The following PLCG2 variants were observed in gnomAD, a reference collection of about 807,000 sequenced individuals.
PLCG2 encodes the protein 1-phosphatidylinositol 4,5-bisphosphate phosphodiesterase gamma-2.
PLCG2 carries 69 observed loss-of-function variants against 175.6 expected under a neutral mutation model. That is an observed-to-expected ratio of 0.39 (90% CI 0.32 to 0.48). The LOEUF (loss-of-function observed/expected upper bound fraction) is 0.48, where lower values mean the gene tolerates loss of function less well. Among genes scored for constraint, PLCG2 ranks in the 20% least tolerant of loss-of-function variants. The probability of loss-of-function intolerance (pLI) is 0.91; values close to 1 mark genes in which losing one functional copy is unlikely to be tolerated. For missense variants in PLCG2, 1,798 were observed against 1,650.9 expected (o/e 1.09, Z -1.54); for synonymous variants, 827 against 624.0 (o/e 1.33, Z -4.85).
intron 2 of PLCG2, among the ~76,000 whole-genome samples, chr16:81,840,391 T>C (rs1905759013): frequency 6.6e-6 from 1 of 152,232 alleles, no homozygotes; most frequent in Non-Finnish European, 1.5e-5. Context: ...AGTGTGAGGA[T>C]GATTCAAGGG....
rs758705382 is a variant in PLCG2, at chr16:81,785,975, C to G, written c.-15C>G. The G allele has an allele frequency of 1.9e-6, 3 of 1,609,964 alleles. No individual in the cohort carries two copies. The South Asian group carries it at 3.3e-5, about 18-fold the overall frequency. ...ATTTCTCCCGATTCCTTCCTTCTCC[C>G]TGGAGCGGCCGACAATGTCCACCAC... On this transcript the variant is annotated 5_prime_UTR_variant, in exon 2 of 33. Coordinates refer to ENST00000564138, the MANE Select transcript of PLCG2 (RefSeq NM_002661.5).
chr16:81,757,512 C>T (rs903973893), intron 2 of PLCG2, among the ~76,000 whole-genome samples: 13 of 151,432 alleles, frequency 8.6e-5, no homozygotes, highest in African/African-American at 2.9e-4. Context: ...GCAGAAGAGC[C>T]GAGAAAGCGC....
At chr16:81,942,780 T>TCGAAC (rs1230099986) in intron 30 of PLCG2, among the ~76,000 whole-genome samples, 2 of 152,296 alleles carry the variant, frequency 1.3e-5, no homozygotes, top group Middle Eastern at 3.4e-3. Flanking sequence ...CTAATTAATT[T>TCGAAC]CGAACCCCGT....
At chr16:81,875,763 A>G (rs1369366850) in intron 7 of PLCG2, among the ~76,000 whole-genome samples, 3 of 152,230 alleles carry the variant, frequency 2.0e-5, no homozygotes, top group Admixed American at 2.0e-4. Flanking sequence ...CTTGCAAAAA[A>G]TCAAAAAGAA....
At chr16:81,867,189 G>A (rs975372125) in intron 5 of PLCG2, among the ~76,000 whole-genome samples, 2 of 152,234 alleles carry the variant, frequency 1.3e-5, no homozygotes, top group African/African-American at 2.4e-5. Context: ...GGGCAGTGAC[G>A]CGCTACTTCC....
Position 81,759,863 on chromosome 16 carries a change from A to G in PLCG2, c.-48+3897A>G, listed in dbSNP as rs568910473. On this transcript the variant is annotated intron_variant, in intron 2 of 5. Coordinates refer to the PLCG2 transcript ENST00000565054. ...CAATGTAGGCCGGGCGTGGTGGCTC[A>G]CGCCTGTAATCCCAGCACTTTGGGA... Among the ~76,000 whole-genome samples the G allele has an allele frequency of 8.5e-5, 13 of 152,332 alleles. No individual in the cohort carries two copies. In the South Asian group the frequency reaches 2.3e-3, roughly 27 times the overall value.
intron 9 of PLCG2, among the ~76,000 whole-genome samples, chr16:81,886,522 T>G (rs768837720): frequency 1.3e-5 from 2 of 152,220 alleles, no homozygotes; most frequent in African/African-American, 4.8e-5. Context: ...AAGGAAATAA[T>G]GGCAGCATTT....
At chr16:81,801,395 G>C (rs916304829) in intron 2 of PLCG2, among the ~76,000 whole-genome samples, 5 of 152,144 alleles carry the variant, frequency 3.3e-5, no homozygotes, top group African/African-American at 1.2e-4. Context: ...GACACTGCGT[G>C]GTGTGTATCC....
upstream of PLCG2, among the ~76,000 whole-genome samples, chr16:81,777,437 T>TA (rs750704164): frequency 0.042 from 4,438 of 105,616 alleles, 132 homozygotes; most frequent in African/African-American, 0.085. Context: ...GCTGAAGTTC[T>TA]AAAAAAAAAA....
chr16:81,745,346 G>T (rs1192947044), intron 1 of PLCG2, among the ~76,000 whole-genome samples: 1 of 152,176 alleles, frequency 6.6e-6, no homozygotes, highest in Non-Finnish European at 1.5e-5. Context: ...TTTTCTGTAA[G>T]TTGCAATATC....
chr16:81,828,697 G>T (rs1012700735), intron 2 of PLCG2, among the ~76,000 whole-genome samples: 4 of 152,168 alleles, frequency 2.6e-5, no homozygotes, highest in African/African-American at 7.2e-5. Context: ...CTGAGACTCA[G>T]TTTCCTCATA....
chr16:81,908,311 T>C lies in PLCG2; in HGVS notation c.1558-105T>C. On this transcript the variant is annotated intron_variant, in intron 16 of 32. Coordinates refer to ENST00000564138, the MANE Select transcript of PLCG2 (RefSeq NM_002661.5). ...GGGGACCAGCTGAGGCTGGCCTCTC[T>C]ATGTTATCTGGTACCCTGGGTCAGG... 4.7e-6 allele frequency: 5 copies of C among 1,061,850 alleles called. No individual in the cohort carries two copies. The East Asian group carries it at 1.2e-4, about 26-fold the overall frequency. 65.8% of individuals were successfully genotyped at this position (1,061,850 alleles called of 1,614,324 possible).
intron 1 of PLCG2, among the ~76,000 whole-genome samples, chr16:81,741,963 G>A (rs1032952464): frequency 2.0e-5 from 3 of 152,128 alleles, no homozygotes; most frequent in Admixed American, 6.5e-5. Context: ...CAGTGATGCA[G>A]AACGCCAGAG....
chr16:81,762,895 A>G (rs1162798272), intron 2 of PLCG2, among the ~76,000 whole-genome samples: 5 of 152,072 alleles, frequency 3.3e-5, no homozygotes, highest in Non-Finnish European at 5.9e-5. Flanking sequence ...TCACCTCTAC[A>G]AACAAATTTT....
At position 81,893,784 on chromosome 16, in the gene PLCG2, C is replaced by G; in HGVS notation, c.1062C>G (p.Arg354=). 29 of 1,608,354 alleles carry G rather than the reference C, an allele frequency of 1.8e-5. No individual in the cohort carries two copies. Among genetic ancestry groups the G allele is most frequent in the Non-Finnish European group, 2.5e-5 (29 of 1,175,646 alleles). ...AYIRCLRMGC[R]CIELDCWDGP... Reference sequence around the variant, plus strand: ...TCCGCTGCCTGCGCATGGGCTGTCGCTGCATTGAACGTGAGTAGCTCCTTC... The same window carrying G: ...TCCGCTGCCTGCGCATGGGCTGTCGGTGCATTGAACGTGAGTAGCTCCTTC... Residue 354 remains arginine, a synonymous_variant, in exon 12 of 33, where the codon CGC becomes CGG. Coordinates refer to ENST00000564138, the MANE Select transcript of PLCG2 (RefSeq NM_002661.5).
At chr16:81,842,359 C>T (rs1348104854) in intron 2 of PLCG2, among the ~76,000 whole-genome samples, 1 of 152,174 alleles carries the variant, frequency 6.6e-6, no homozygotes, top group Admixed American at 6.5e-5. Context: ...ATATCATATG[C>T]CGGCCTGGAC....
At chr16:81,823,212 G>T (rs546951753) in intron 2 of PLCG2, among the ~76,000 whole-genome samples, 1 of 152,260 alleles carries the variant, frequency 6.6e-6, no homozygotes, top group Non-Finnish European at 1.5e-5. Flanking sequence ...GTTCAGCCTA[G>T]GGGAGGTCTG....
chr16:81,958,230 T>C lies in PLCG2; in HGVS notation c.*232T>C, dbSNP rs1911653878. ...ATTCTTTATAGAGGATTCCCCAAAA[T>C]GTGCTCCTCATTTTTGGCCTCTCAT... On this transcript the variant is annotated 3_prime_UTR_variant, in exon 33 of 33. Coordinates refer to ENST00000564138, the MANE Select transcript of PLCG2 (RefSeq NM_002661.5). 2 of 536,262 alleles carry C rather than the reference T, an allele frequency of 3.7e-6. No homozygotes were observed. Among genetic ancestry groups the C allele is most frequent in the Admixed American group, 3.2e-5 (1 of 31,120 alleles). 33.2% of individuals were successfully genotyped at this position (536,262 alleles called of 1,614,324 possible). A position where few individuals can be genotyped will look rare whatever the true frequency, so the allele number is the denominator to read the frequency against.
intron 14 of PLCG2, among the ~76,000 whole-genome samples, chr16:81,903,670 G>C (rs1340502683): frequency 5.3e-5 from 8 of 152,200 alleles, no homozygotes; most frequent in Non-Finnish European, 1.2e-4. Context: ...GCTCGGCCAT[G>C]GAGGGTCCAT....
Sources: gnomAD v4.1 joint callset for allele counts (sites outside exome capture counted in the v4.1 genomes callset) on GRCh38, gnomAD v4.1.1 for gene constraint, MANE v1.5 for transcripts, NCBI Gene and HGNC (gene_info 2026-07-23, HGNC 2026-07-21) for gene names.